Variants in CCNT2 observed in about 807,000 individuals in gnomAD.
CCNT2 encodes the protein cyclin-T2.
In CCNT2, 18 loss-of-function variants were observed where a neutral mutation model predicts 70.0. The observed-to-expected ratio is 0.26, with a 90% confidence interval of 0.18 to 0.38. The LOEUF (loss-of-function observed/expected upper bound fraction) is 0.38, where lower values mean the gene tolerates loss of function less well. Ranked by LOEUF, CCNT2 falls within the 10% of genes least tolerant of loss-of-function variation. The probability of loss-of-function intolerance (pLI) is 1.00; values close to 1 mark genes in which losing one functional copy is unlikely to be tolerated. For synonymous variants in CCNT2, 334 were observed against 313.3 expected (o/e 1.07, Z -0.70); for missense variants, 734 against 890.2 (o/e 0.82, Z 2.23).
Position 134,936,844 on chromosome 2 carries a change from A to G in CCNT2, c.244A>G (p.Ile82Val). Reference protein sequence around the residue: ...HSFTKFNKNIISSTALFLAAK... With the variant: ...HSFTKFNKNIVSSTALFLAAK... ...CAGAGTTTTATCTTTTCTGCAGATA[A>G]TATCGTCTACTGCATTATTTTTGGC... The change falls in exon 3 of 9, where the codon ATA becomes GTA. Residue 82 changes from isoleucine to valine, a missense_variant. By Grantham distance (29) the Ile-to-Val change is conservative. Coordinates refer to ENST00000264157, the MANE Select transcript of CCNT2 (RefSeq NM_058241.3). 1 of 1,610,654 alleles carries G rather than the reference A, an allele frequency of 6.2e-7. No individual in the cohort carries two copies. Among genetic ancestry groups the G allele is most frequent in the African/African-American group, 1.3e-5 (1 of 74,844 alleles).
At position 134,946,161 on chromosome 2, in the gene CCNT2, C is replaced by T. The variant is rs1226436433; in HGVS notation, c.539+15C>T. 2 of 1,611,966 alleles carry T rather than the reference C, an allele frequency of 1.2e-6. No individual in the cohort carries two copies. The highest frequency in any genetic ancestry group is 2.7e-5 in the African/African-American group (2 of 74,726). ...GCTACCAACAGGTTGTTATCCTGAC[C>T]CTCTTTGTTGCACTGTTGTAGCACA... On this transcript the variant is annotated intron_variant, in intron 6 of 8. Coordinates refer to ENST00000264157, the MANE Select transcript of CCNT2 (RefSeq NM_058241.3).
intron 7 of CCNT2, 26 bp downstream of exon 7, chr2:134,947,925 G>T: frequency 7.4e-7 from 1 of 1,360,172 alleles, no homozygotes; most frequent in South Asian, 1.8e-5. Context: ...AAATTTTTAA[G>T]TTTGGAATTA....
chr2:134,947,255 TAAAG>T (rs1369953635), intron 6 of CCNT2, among the ~76,000 whole-genome samples: 1 of 152,234 alleles, frequency 6.6e-6, no homozygotes, highest in East Asian at 1.9e-4. Context: ...TCTGCTTCAC[TAAAG>T]AAAGCAAATG....
intron 8 of CCNT2, 114 bp downstream of exon 8, chr2:134,952,825 A>C: frequency 1.4e-6 from 1 of 739,508 alleles, no homozygotes; most frequent in Non-Finnish European, 2.3e-6. Flanking sequence ...TGAATAATTC[A>C]ACGTATCTCA....
chr2:134,943,123 C>T, intron 5 of CCNT2: 7 of 983,648 alleles, frequency 7.1e-6, no homozygotes, highest in Non-Finnish European at 7.2e-6. Context: ...AAAGATTTGT[C>T]AGTACGGTGG....
intron 2 of CCNT2, chr2:134,920,273 T>C (rs970588962): frequency 6.5e-6 from 1 of 154,212 alleles, no homozygotes; most frequent in African/African-American, 2.4e-5. Context: ...ACTCATTGTT[T>C]AAAAGACTGT....
Position 134,931,262 on chromosome 2 carries a change from C to CTTTTTTTTTTTTTTTTTTTGTTTTTTTTT in CCNT2, c.241-5560_241-5559insGTTTTTTTTTTTTTTTTTTTTTTTTTTTT, listed in dbSNP as rs1680740773. The stretch of plus-strand genomic sequence containing the variant: ...CAGGCATAAGCCACCATGCCCGGAT[C>CTTTTTTTTTTTTTTTTTTTGTTTTTTTTT]TTTTTTTTTTTTTTTTTTTTTTTTT... On this transcript the variant is annotated intron_variant, in intron 2 of 8. Coordinates refer to ENST00000264157, the MANE Select transcript of CCNT2 (RefSeq NM_058241.3). Among the ~76,000 whole-genome samples, 2 of 42,418 alleles carry CTTTTTTTTTTTTTTTTTTTGTTTTTTTTT rather than the reference C, an allele frequency of 4.7e-5. 1 individual carries two copies. The highest frequency in any genetic ancestry group is 1.6e-4 in the African/African-American group (2 of 12,660). 27.8% of individuals were successfully genotyped at this position (42,418 alleles called of 152,430 possible).
At chr2:134,943,007 A>G in intron 5 of CCNT2, 1 of 985,356 alleles carries the variant, frequency 1.0e-6, no homozygotes, top group Non-Finnish European at 1.2e-6. Flanking sequence ...TCAGAAAATA[A>G]TATTAATTTT....
chr2:134,943,616 C>T, intron 5 of CCNT2: 1 of 984,536 alleles, frequency 1.0e-6, no homozygotes, highest in Non-Finnish European at 1.2e-6. Flanking sequence ...AAAAATATTG[C>T]TTTACTGCTT....
At chr2:134,951,336 A>T (rs1314914598) in intron 7 of CCNT2, among the ~76,000 whole-genome samples, 1 of 152,164 alleles carries the variant, frequency 6.6e-6, no homozygotes, top group East Asian at 1.9e-4. Flanking sequence ...ATTATATAAT[A>T]TTCTGATGTA....
chr2:134,920,549 G>T (rs1417309912), intron 2 of CCNT2, among the ~76,000 whole-genome samples: 1 of 152,144 alleles, frequency 6.6e-6, no homozygotes, highest in Non-Finnish European at 1.5e-5. Context: ...GACAAATAGA[G>T]TAATGGCATT....
At chr2:134,934,189 A>G (rs574205197) in intron 2 of CCNT2, among the ~76,000 whole-genome samples, 9 of 152,256 alleles carry the variant, frequency 5.9e-5, no homozygotes, top group Non-Finnish European at 1.3e-4. Context: ...CACTATTCGC[A>G]TCAACTTCCT....
Position 134,956,314 on chromosome 2 carries a change from T to C in CCNT2, c.*1666T>C, listed in dbSNP as rs779453351. The C allele has an allele frequency of 6.6e-6, 1 of 152,624 alleles. No homozygotes were observed. The highest frequency in any genetic ancestry group is 1.5e-5 in the Non-Finnish European group (1 of 68,026). The allele number at this position is 152,624 out of a possible 1,614,324, so 9.5% of individuals were successfully genotyped here. A position where few individuals can be genotyped will look rare whatever the true frequency, so the allele number is the denominator to read the frequency against. ...GCTTTATAATTTTTAAAGATAATTG[T>C]TCATTATTTTGTCAATGTTATTTGA... is the stretch of plus-strand genomic sequence containing the variant. On this transcript the variant is annotated 3_prime_UTR_variant, in exon 9 of 9. Coordinates refer to ENST00000264157, the MANE Select transcript of CCNT2 (RefSeq NM_058241.3).
At chr2:134,945,714 C>T (rs1681907850) in intron 5 of CCNT2, 1 of 1,275,324 alleles carries the variant, frequency 7.8e-7, no homozygotes, top group Non-Finnish European at 1.0e-6. Flanking sequence ...TTAAGTCTGG[C>T]AGGCAACTCT....
rs534180685 is a variant in CCNT2 at position 134,928,298 on chromosome 2, G to A, written c.240+8407G>A. Among the ~76,000 whole-genome samples the A allele has an allele frequency of 2.2e-3, 181 of 81,666 alleles. 1 individual carries two copies. Among genetic ancestry groups the A allele is most frequent in the African/African-American group, 9.7e-3 (175 of 17,978 alleles). The allele number at this position is 81,666 out of a possible 152,430, so 53.6% of individuals were successfully genotyped here. On this transcript the variant is annotated intron_variant, in intron 2 of 8. Transcript: ENST00000264157. Reference sequence around the variant, plus strand: ...TCTTTTTTTTTTTTTTTTTTTCTGAGACGGAGTTTCATTCTTGTTGCCCAG... The same window carrying A: ...TCTTTTTTTTTTTTTTTTTTTCTGAAACGGAGTTTCATTCTTGTTGCCCAG...
In CCNT2 at chr2:134,919,043, CCT is replaced by C. The variant is rs566267427; in HGVS notation, c.158+32_158+33del. ...CTTTTCTGTTCGCCGCCGCTCACGC[CCT>C]GTTTCCCTTGCCCGGTCGCCGGGCC... is the stretch of plus-strand genomic sequence containing the variant. On this transcript the variant is annotated intron_variant, in intron 1 of 8. Coordinates refer to ENST00000264157, the MANE Select transcript of CCNT2 (RefSeq NM_058241.3). 7.1e-5 allele frequency: 112 copies of C among 1,569,320 alleles called. No individual in the cohort carries two copies. The African/African-American group carries it at 1.4e-3, about 19-fold the overall frequency.
At chr2:134,928,301 G>A (rs1341625700) in intron 2 of CCNT2, among the ~76,000 whole-genome samples, 5 of 86,234 alleles carry the variant, frequency 5.8e-5, no homozygotes, top group African/African-American at 2.1e-4. Context: ...TTTCTGAGAC[G>A]GAGTTTCATT....
At chr2:134,941,175 A>C (rs548792364) in intron 4 of CCNT2, among the ~76,000 whole-genome samples, 2 of 152,284 alleles carry the variant, frequency 1.3e-5, no homozygotes, top group East Asian at 3.9e-4. Flanking sequence ...ATTGTGGTGT[A>C]TTTCTGTAAA....
Position 134,928,274 on chromosome 2 carries a change from CT to C in CCNT2, c.240+8402del, listed in dbSNP as rs551173090. ...CCATGCCCGGCCTCACATTGTATTTCTTTTTTTTTTTTTTTTTTTCTGAGAC... is the reference window on the plus strand; with the variant it reads ...CCATGCCCGGCCTCACATTGTATTTCTTTTTTTTTTTTTTTTTTCTGAGAC... On this transcript the variant is annotated intron_variant, in intron 2 of 8. Transcript: ENST00000264157. Among the ~76,000 whole-genome samples, 62 of 96,390 alleles carry C rather than the reference CT, an allele frequency of 6.4e-4. 1 individual carries two copies. The highest frequency in any genetic ancestry group is 0.01 in the Middle Eastern group (1 of 100). The allele number at this position is 96,390 out of a possible 152,430, so 63.2% of individuals were successfully genotyped here. A position where few individuals can be genotyped will look rare whatever the true frequency, so the allele number is the denominator to read the frequency against.
Sources: gnomAD v4.1 joint callset for allele counts (sites outside exome capture counted in the v4.1 genomes callset) on GRCh38, gnomAD v4.1.1 for gene constraint, MANE v1.5 for transcripts, NCBI Gene and HGNC (gene_info 2026-07-23, HGNC 2026-07-21) for gene names.